Variants in FHAD1 observed in about 807,000 individuals in gnomAD.
The protein encoded by FHAD1 is forkhead-associated domain-containing protein 1.
In FHAD1, 146 loss-of-function variants were observed where a neutral mutation model predicts 191.3. The observed-to-expected ratio is 0.76, with a 90% confidence interval of 0.67 to 0.88. The LOEUF is 0.88. Ranked by LOEUF, FHAD1 falls within the 40% of genes least tolerant of loss-of-function variation. The probability of loss-of-function intolerance (pLI) is 0.00; values close to 1 mark genes in which losing one functional copy is unlikely to be tolerated. For synonymous variants in FHAD1, 616 were observed against 672.3 expected, an observed-to-expected ratio of 0.92 and a Z score of 1.29; for missense variants, 1,635 against 1,785.8, an observed-to-expected ratio of 0.92 and a Z score of 1.52.
At chr1:15,349,955 TG>T (rs1473470801) in intron 19 of FHAD1, among the ~76,000 whole-genome samples, 2 of 152,090 alleles carry the variant, frequency 1.3e-5, no homozygotes, top group Non-Finnish European at 2.9e-5. Context: ...AAGTAAGAGC[TG>T]GGGGGCCAGG....
Position 15,350,650 on chromosome 1 carries a change from C to T in FHAD1, c.2454+1501C>T, listed in dbSNP as rs369511343. ...AACAGGCTGTGTGACCCTGGGCATG[C>T]CCCTTGCCCTCTCCATGCCCTCATC... On this transcript the variant is annotated intron_variant, in intron 19 of 33. Transcript: ENST00000688493. Among the ~76,000 whole-genome samples, 7 of 152,196 alleles carry T rather than the reference C, an allele frequency of 4.6e-5. No homozygotes were observed. In the East Asian group the frequency reaches 1.3e-3, roughly 29 times the overall value.
chr1:15,375,229 A>G (rs1201722532), intron 27 of FHAD1, among the ~76,000 whole-genome samples: 1 of 152,152 alleles, frequency 6.6e-6, no homozygotes, highest in Non-Finnish European at 1.5e-5. Context: ...TCAATGTTGG[A>G]GAACCACTTA....
rs762169808 is a variant in FHAD1, at chr1:15,251,754, CT to C, written c.-14-16del. The C allele has an allele frequency of 1.8e-5, 27 of 1,522,010 alleles. 1 individual carries two copies. The highest frequency in any genetic ancestry group is 4.9e-5 in the East Asian group (2 of 40,776). 94.3% of individuals were successfully genotyped at this position (1,522,010 alleles called of 1,614,324 possible). A position where few individuals can be genotyped will look rare whatever the true frequency, so the allele number is the denominator to read the frequency against. Reference sequence around the variant, plus strand: ...ACTACATTTTCTAACAAAATTCTTTCTGAAAACCTTATGTAGGGAAAACAGA... The same window carrying C: ...ACTACATTTTCTAACAAAATTCTTTCGAAAACCTTATGTAGGGAAAACAGA... On this transcript the variant is annotated splice_polypyrimidine_tract_variant and intron_variant, in intron 1 of 33. Transcript: ENST00000688493.
At chr1:15,402,356 TTAAG>T (rs1707148694), downstream of FHAD1, among the ~76,000 whole-genome samples, 1 of 152,200 alleles carries the variant, frequency 6.6e-6, no homozygotes, top group African/African-American at 2.4e-5. Context: ...TTATTATACT[TTAAG>T]TTTTAGGGTA....
At chr1:15,333,936 G>A (rs1376989282) in intron 14 of FHAD1, among the ~76,000 whole-genome samples, 3 of 141,456 alleles carry the variant, frequency 2.1e-5, no homozygotes, top group East Asian at 2.2e-4. Flanking sequence ...AGGCTCAAGC[G>A]ATCCTTCCAC....
chr1:15,334,622 A>G (rs1300371601), intron 14 of FHAD1: 1 of 152,250 alleles, frequency 6.6e-6, no homozygotes, highest in African/African-American at 2.4e-5. Flanking sequence ...GGACTGAGTG[A>G]TGGGATACAT....
intron 1 of FHAD1, among the ~76,000 whole-genome samples, chr1:15,251,294 AC>A (rs112477505): frequency 0.35 from 52,072 of 148,050 alleles, 9,585 homozygotes; most frequent in South Asian, 0.42. Flanking sequence ...AACAAAAAAA[AC>A]CACCCATTTT....
rs145572146 is a variant in FHAD1, at chr1:15,265,813, A to G, written c.94-6510A>G. Among the ~76,000 whole-genome samples, 317 of 151,900 alleles carry G rather than the reference A, an allele frequency of 2.1e-3. 1 individual carries two copies. Among genetic ancestry groups the G allele is most frequent in the African/African-American group, 7.0e-3 (288 of 41,406 alleles). On this transcript the variant is annotated intron_variant, in intron 2 of 33. Transcript: ENST00000688493. ...ATGGTGAAACCCTGTCTCTACTAAAAATACAAAATTAGCTGGATGTGGTGG... is the reference window on the plus strand; with the variant it reads ...ATGGTGAAACCCTGTCTCTACTAAAGATACAAAATTAGCTGGATGTGGTGG...
rs1160323719 is a variant in FHAD1, at chr1:15,311,330, C to A, written c.1040-1727C>A. Among the ~76,000 whole-genome samples the A allele has an allele frequency of 6.6e-6, 1 of 152,124 alleles. No individual in the cohort carries two copies. Among genetic ancestry groups the A allele is most frequent in the Non-Finnish European group, 1.5e-5 (1 of 68,016 alleles). On this transcript the variant is annotated intron_variant, in intron 7 of 33. Transcript: ENST00000688493. This position sits in a 1 kb window ranked among gnomAD's most constrained non-coding sequence, Gnocchi z 4.1. ...GGTGTGATGAGCACGTGCATGTGGG[C>A]AGGGAAGGAACCACCCAGGAGGAGC... is the stretch of plus-strand genomic sequence containing the variant.
chr1:15,375,986 C>A (rs774826787), intron 28 of FHAD1, among the ~76,000 whole-genome samples: 1 of 151,326 alleles, frequency 6.6e-6, no homozygotes, highest in Non-Finnish European at 1.5e-5. Context: ...CATGGCGGGC[C>A]CCCTTTCCAG....
At chr1:15,369,254 C>T in intron 25 of FHAD1, 116 bp from the exon 26 acceptor site, 3 of 1,217,356 alleles carry the variant, frequency 2.5e-6, no homozygotes, top group Non-Finnish European at 3.4e-6. Context: ...GGAAACAAGT[C>T]TCAAAAGAAT....
intron 23 of FHAD1, among the ~76,000 whole-genome samples, chr1:15,363,129 G>A (rs1488211220): frequency 6.6e-6 from 1 of 152,152 alleles, no homozygotes; most frequent in Non-Finnish European, 1.5e-5. Context: ...CCAGGTTGAG[G>A]GGTTGCATCT....
chr1:15,317,775 C>A, intron 9 of FHAD1, 49 bp from the exon 10 acceptor site: 1 of 1,342,510 alleles, frequency 7.4e-7, no homozygotes, highest in Non-Finnish European at 1.0e-6. Context: ...GCCAAGAAGG[C>A]AGCTCCTGCC....
chr1:15,353,055 C>G, intron 20 of FHAD1, 71 bp downstream of exon 20: 3 of 1,192,428 alleles, frequency 2.5e-6, no homozygotes, highest in Non-Finnish European at 1.2e-6. Context: ...GAGCCAGGCT[C>G]TGGGTTCAAA....
chr1:15,251,369 A>G (rs1378910525), intron 1 of FHAD1, among the ~76,000 whole-genome samples: 1 of 152,174 alleles, frequency 6.6e-6, no homozygotes, highest in East Asian at 1.9e-4. Flanking sequence ...CAGAGCTAGT[A>G]AAGGATGGGT....
At chr1:15,254,996 G>C (rs1411221362) in intron 2 of FHAD1, among the ~76,000 whole-genome samples, 1 of 152,060 alleles carries the variant, frequency 6.6e-6, no homozygotes, top group Non-Finnish European at 1.5e-5. Context: ...GGGCCTTTCT[G>C]ATTAACCTGA....
rs1295382189 is a variant in FHAD1 at position 15,349,097 on chromosome 1, C to T, written c.2402C>T (p.Ser801Leu). The T allele has an allele frequency of 7.7e-6, 12 of 1,551,248 alleles. No individual in the cohort carries two copies. Among genetic ancestry groups the T allele is most frequent in the African/African-American group, 2.7e-5 (2 of 72,890 alleles). The change falls in exon 19 of 34, where the codon TCG (serine) becomes TTG (leucine). Residue 801 changes from serine (S) to leucine (L), a missense_variant. By Grantham distance (145) the Ser-to-Leu change is moderately radical. Coordinates refer to ENST00000688493, the MANE Select transcript of FHAD1 (RefSeq NM_001391957.1). ...AGAAAAGCAAAGGAAGCCTTGGAGT[C>T]GGAAAAGAGAAAAGTTCAGGATCTG... ...EKRKAKEALE[S>L]EKRKVQDLEN...
intron 26 of FHAD1, among the ~76,000 whole-genome samples, chr1:15,369,807 C>T (rs749457738): frequency 5.9e-5 from 9 of 152,086 alleles, no homozygotes; most frequent in Non-Finnish European, 1.0e-4. Flanking sequence ...TGTTCGAATC[C>T]CAACTCCTCC....
At chr1:15,299,011 A>C (rs554773524) in intron 5 of FHAD1, among the ~76,000 whole-genome samples, 13 of 149,570 alleles carry the variant, frequency 8.7e-5, no homozygotes, top group East Asian at 1.9e-4. Context: ...TCTGCAAAAA[A>C]AAAAACAAAA....
Sources: allele counts gnomAD v4.1 joint callset (sites outside exome capture counted in the v4.1 genomes callset), GRCh38; gene constraint gnomAD v4.1.1; non-coding constraint Gnocchi (gnomAD v3.1); transcripts MANE v1.5; gene names NCBI Gene and HGNC (gene_info 2026-07-23, HGNC 2026-07-21).